The following KCNIP4 variants were observed in gnomAD, a reference collection of about 807,000 sequenced individuals.
KCNIP4 encodes potassium voltage-gated channel interacting protein 4.
KCNIP4 carries 12 observed loss-of-function variants against 34.0 expected under a neutral mutation model. The ratio of observed to expected loss-of-function variants is 0.35; its 90% CI spans 0.23 to 0.57. The LOEUF (loss-of-function observed/expected upper bound fraction) is 0.57. Among genes scored for constraint, KCNIP4 ranks in the 20% least tolerant of loss-of-function variants. KCNIP4 has a pLI of 0.83. For missense variants in KCNIP4, 238 were observed against 311.7 expected (o/e 0.76, Z 1.78); for synonymous variants, 124 against 102.2 (o/e 1.21, Z -1.29).
intron 1 of KCNIP4, among the ~76,000 whole-genome samples, chr4:21,011,470 A>C (rs1049589486): frequency 6.6e-6 from 1 of 152,214 alleles, no homozygotes; most frequent in African/African-American, 2.4e-5. Flanking sequence ...TTTCCAGCCA[A>C]CTTTGGAAAA....
chr4:21,834,548 T>C (rs1560749202), intron 1 of KCNIP4, among the ~76,000 whole-genome samples: 1 of 152,164 alleles, frequency 6.6e-6, no homozygotes, highest in Non-Finnish European at 1.5e-5. Context: ...ACAGGGACAA[T>C]TTGACTTCCT....
chr4:21,401,416 G>C (rs1046467694), intron 1 of KCNIP4, among the ~76,000 whole-genome samples: 1 of 152,154 alleles, frequency 6.6e-6, no homozygotes, highest in Non-Finnish European at 1.5e-5. Flanking sequence ...GGAAACCCAA[G>C]GGGCTCCCCA....
chr4:21,036,000 G>A (rs539344635), intron 1 of KCNIP4, among the ~76,000 whole-genome samples: 1 of 152,170 alleles, frequency 6.6e-6, no homozygotes, highest in South Asian at 2.1e-4. Context: ...ATTGGCACAA[G>A]ACATTTCCTT....
chr4:20,748,748 C>T (rs887747694), intron 5 of KCNIP4, among the ~76,000 whole-genome samples: 1 of 149,652 alleles, frequency 6.7e-6, no homozygotes, highest in Non-Finnish European at 1.5e-5. Flanking sequence ...ACATATTTTC[C>T]CTAACAAAAA....
chr4:21,462,356 C>T (rs775779205), intron 1 of KCNIP4, among the ~76,000 whole-genome samples: 1 of 152,098 alleles, frequency 6.6e-6, no homozygotes, highest in East Asian at 1.9e-4. Flanking sequence ...TCACGTCTTA[C>T]GTGGATGGCG....
chr4:21,788,621 T>C (rs937529149), intron 1 of KCNIP4, among the ~76,000 whole-genome samples: 1 of 152,132 alleles, frequency 6.6e-6, no homozygotes, highest in African/African-American at 2.4e-5. Context: ...AAATTTACAG[T>C]TGATGTGGAG....
intron 1 of KCNIP4, among the ~76,000 whole-genome samples, chr4:20,946,447 G>C (rs1311630488): frequency 6.6e-6 from 1 of 152,142 alleles, no homozygotes; most frequent in Non-Finnish European, 1.5e-5. Context: ...GAGTTAGCAA[G>C]GTTGAGCTAG....
At chr4:21,147,829 C>T (rs568185503) in intron 1 of KCNIP4, among the ~76,000 whole-genome samples, 4 of 149,254 alleles carry the variant, frequency 2.7e-5, no homozygotes, top group Non-Finnish European at 4.4e-5. Flanking sequence ...ATCCCAGCTA[C>T]TTGGGAGGCT....
chr4:21,495,988 G>A (rs1732819176), intron 1 of KCNIP4, among the ~76,000 whole-genome samples: 1 of 152,130 alleles, frequency 6.6e-6, no homozygotes, highest in Non-Finnish European at 1.5e-5. Context: ...CATAATTTGA[G>A]CCTTCAGCTG....
At chr4:21,124,374 A>G (rs1750434089) in intron 1 of KCNIP4, among the ~76,000 whole-genome samples, 2 of 152,176 alleles carry the variant, frequency 1.3e-5, no homozygotes, top group Non-Finnish European at 2.9e-5. Context: ...TATAGTGGGA[A>G]AAGTGCCTCT....
intron 1 of KCNIP4, among the ~76,000 whole-genome samples, chr4:20,994,620 G>A (rs1250913643): frequency 1.3e-5 from 2 of 152,096 alleles, no homozygotes; most frequent in African/African-American, 4.8e-5. Flanking sequence ...GGAGTTACAG[G>A]GATAGAACCC....
intron 1 of KCNIP4, among the ~76,000 whole-genome samples, chr4:21,499,537 GA>G (rs1435913916): frequency 4.6e-5 from 7 of 151,402 alleles, no homozygotes; most frequent in South Asian, 2.1e-4. Context: ...AAATCACTCA[GA>G]AAAAAACTGG....
chr4:20,787,111 G>T (rs1712106865), intron 3 of KCNIP4, among the ~76,000 whole-genome samples: 1 of 152,122 alleles, frequency 6.6e-6, no homozygotes, highest in South Asian at 2.1e-4. Flanking sequence ...TGGCAAAGGG[G>T]CCCTTCTGAG....
intron 1 of KCNIP4, among the ~76,000 whole-genome samples, chr4:21,756,423 G>A (rs28667579): frequency 0.49 from 74,744 of 151,640 alleles, 20,335 homozygotes; most frequent in Non-Finnish European, 0.63. Flanking sequence ...GTATGGTGGT[G>A]TGTGCCTGTA....
At chr4:21,356,800 G>T (rs1399515021) in intron 1 of KCNIP4, among the ~76,000 whole-genome samples, 2 of 152,128 alleles carry the variant, frequency 1.3e-5, no homozygotes, top group African/African-American at 4.8e-5. Context: ...TTTCTTCACA[G>T]AATTGGAAAA....
At chr4:21,373,769 G>T (rs1175357577) in intron 1 of KCNIP4, among the ~76,000 whole-genome samples, 1 of 147,056 alleles carries the variant, frequency 6.8e-6, no homozygotes, top group Non-Finnish European at 1.5e-5. Context: ...GCAATGGCAT[G>T]ATTTCTGTTC....
chr4:20,862,885 G>A (rs144090412), intron 2 of KCNIP4, among the ~76,000 whole-genome samples: 12 of 152,244 alleles, frequency 7.9e-5, no homozygotes, highest in African/African-American at 1.9e-4. Context: ...ACCAAATACC[G>A]CACGTTCTTG....
chr4:20,769,026 T>C (rs2149376493), intron 3 of KCNIP4, among the ~76,000 whole-genome samples: 2 of 148,998 alleles, frequency 1.3e-5, no homozygotes, highest in Non-Finnish European at 3.0e-5. Flanking sequence ...CCTTCAGTTC[T>C]GCCCTCTAAC....
At chr4:21,559,644 T>TA (rs1420438643) in intron 1 of KCNIP4, among the ~76,000 whole-genome samples, 1 of 152,056 alleles carries the variant, frequency 6.6e-6, no homozygotes, top group African/African-American at 2.4e-5. Context: ...GGTGGTAACT[T>TA]ATGGGGTCTT....
Sources: allele counts gnomAD v4.1 joint callset (sites outside exome capture counted in the v4.1 genomes callset), GRCh38; gene constraint gnomAD v4.1.1; transcripts MANE v1.5; gene names NCBI Gene and HGNC (gene_info 2026-07-23, HGNC 2026-07-21).